The following INTS6 variants were observed in gnomAD, a reference collection of about 807,000 sequenced individuals.
INTS6 encodes the protein DEAD box protein.
Under a neutral mutation model 104.9 loss-of-function variants are expected in INTS6, and 16 were observed. That is an observed-to-expected ratio of 0.15 (90% CI 0.10 to 0.23). The LOEUF (loss-of-function observed/expected upper bound fraction) is 0.23, where lower values mean the gene tolerates loss of function less well. Ranked by LOEUF, INTS6 falls within the 10% of genes least tolerant of loss-of-function variation. The pLI, the probability that INTS6 is intolerant of heterozygous loss-of-function variation, is 1.00. For synonymous variants in INTS6, 324 were observed against 358.7 expected (o/e 0.90, Z 1.09); for missense variants, 584 against 1,062.8 (o/e 0.55, Z 6.26).
intron 12 of INTS6, 91 bp downstream of exon 12, chr13:51,378,148 A>G: frequency 1.1e-6 from 1 of 924,952 alleles, no homozygotes; most frequent in Admixed American, 1.8e-5. Context: ...TAAAGTCTGG[A>G]TAAACTGAAT....
chr13:51,422,940 T>C (rs9568592), intron 4 of INTS6: 12,945 of 586,618 alleles, frequency 0.022, 198 homozygotes, highest in South Asian at 0.042. Flanking sequence ...CCCTCAAAAC[T>C]TTACTCCTTT....
rs190806625 is a variant in INTS6, at chr13:51,435,527, G to T, written c.340-5144C>A. Reference sequence around the variant, plus strand: ...AATCTCAATAATAAGAAAATTTAAAGAATTAATGTAAACAGATATTATCTA... The same window carrying T: ...AATCTCAATAATAAGAAAATTTAAATAATTAATGTAAACAGATATTATCTA... On this transcript the variant is annotated intron_variant, in intron 3 of 17. Transcript: ENST00000311234. 2.0e-3 allele frequency among the ~76,000 whole-genome samples: 299 copies of T among 151,968 alleles called. 3 individuals are homozygous for T. The highest frequency in any genetic ancestry group is 0.017 in the Admixed American group (264 of 15,280).
At chr13:51,388,648 C>T (rs1956188333) in intron 6 of INTS6, among the ~76,000 whole-genome samples, 1 of 152,290 alleles carries the variant, frequency 6.6e-6, no homozygotes, top group Admixed American at 6.5e-5. Flanking sequence ...CCACCTTGGC[C>T]TCCCAAAGTG....
intron 15 of INTS6, among the ~76,000 whole-genome samples, chr13:51,371,598 G>A (rs1005128380): frequency 1.3e-5 from 2 of 151,914 alleles, no homozygotes; most frequent in Non-Finnish European, 2.9e-5. Flanking sequence ...AATCATGAGC[G>A]CTGCTGGAGA....
chr13:51,443,012 A>C (rs1003504022), intron 3 of INTS6: 1 of 152,250 alleles, frequency 6.6e-6, no homozygotes, highest in Non-Finnish European at 1.5e-5. Flanking sequence ...TAGCTTTCAA[A>C]CAAGAACTGA....
At chr13:51,413,824 C>CA (rs924826905) in intron 4 of INTS6, among the ~76,000 whole-genome samples, 5 of 152,014 alleles carry the variant, frequency 3.3e-5, no homozygotes, top group Admixed American at 6.6e-5. Context: ...AGGTCTGAAG[C>CA]AAAAATGTAC....
intron 4 of INTS6, among the ~76,000 whole-genome samples, chr13:51,400,424 T>C (rs1956415548): frequency 1.3e-5 from 2 of 152,204 alleles, no homozygotes; most frequent in South Asian, 2.1e-4. Context: ...TGTTTTCTTC[T>C]AAAAGCTTAT....
chr13:51,341,522 G>A, the INTS6 span, among the ~76,000 whole-genome samples: 1 of 152,216 alleles, frequency 6.6e-6, no homozygotes, highest in South Asian at 2.1e-4. Flanking sequence ...GAGATAGGGA[G>A]CTCAGCTCCC....
chr13:51,434,749 G>A (rs138124937), intron 3 of INTS6, among the ~76,000 whole-genome samples: 2 of 70,336 alleles, frequency 2.8e-5, no homozygotes, highest in East Asian at 8.9e-4. Flanking sequence ...CTTATATACT[G>A]TTTTGCACTG....
chr13:51,336,280 G>A, the INTS6 span, among the ~76,000 whole-genome samples: 2,943 of 152,256 alleles, frequency 0.019, 107 homozygotes, highest in African/African-American at 0.065. Context: ...TTGAGGCCAG[G>A]AGTTCGAGAC....
At chr13:51,342,065 C>G in the INTS6 span, among the ~76,000 whole-genome samples, 1 of 151,876 alleles carries the variant, frequency 6.6e-6, no homozygotes, top group Non-Finnish European at 1.5e-5. Context: ...CTCAGTGCCT[C>G]AGCTCAATGC....
intron 3 of INTS6, 49 bp downstream of exon 3, chr13:51,450,976 T>C: frequency 1.4e-6 from 2 of 1,450,134 alleles, no homozygotes; most frequent in East Asian, 2.4e-5. Flanking sequence ...ACTGTGTTTT[T>C]CCACAAAATG....
intron 10 of INTS6, 129 bp downstream of exon 10, chr13:51,381,900 A>C (rs1250278446): frequency 2.5e-6 from 1 of 403,798 alleles, no homozygotes; most frequent in Non-Finnish European, 4.5e-6. Flanking sequence ...ACGGGGTTTC[A>C]CCATGTTGGC....
At chr13:51,418,857 TCAA>T (rs1956843120) in intron 4 of INTS6, among the ~76,000 whole-genome samples, 1 of 152,202 alleles carries the variant, frequency 6.6e-6, no homozygotes, top group African/African-American at 2.4e-5. Flanking sequence ...TTTTATGTGT[TCAA>T]CGAGTTTTAG....
intron 7 of INTS6, among the ~76,000 whole-genome samples, chr13:51,386,618 G>C (rs569660732): frequency 6.6e-6 from 1 of 151,940 alleles, no homozygotes; most frequent in Admixed American, 6.6e-5. Context: ...AGTACAAAAG[G>C]TTTCAAAAAG....
chr13:51,444,321 T>C (rs1015514856), intron 3 of INTS6: 5 of 142,760 alleles, frequency 3.5e-5, no homozygotes, highest in Admixed American at 1.4e-4. Context: ...TCTAGGCTGG[T>C]CTCAAACTCC....
chr13:51,404,238 C>T (rs1297466262), intron 4 of INTS6, among the ~76,000 whole-genome samples: 1 of 150,750 alleles, frequency 6.6e-6, no homozygotes, highest in Non-Finnish European at 1.5e-5. Context: ...AGCACCACTG[C>T]ACTCCTGCCT....
chr13:51,340,429 A>T, the INTS6 span, among the ~76,000 whole-genome samples: 1 of 152,236 alleles, frequency 6.6e-6, no homozygotes, highest in African/African-American at 2.4e-5. Context: ...AGGTACAATT[A>T]GTTCATGTAT....
chr13:51,452,808 C>T lies in INTS6; in HGVS notation c.-283G>A. The T allele has an allele frequency of 8.5e-7, 1 of 1,180,376 alleles. No individual in the cohort carries two copies. The highest frequency in any genetic ancestry group is 1.1e-6 in the Non-Finnish European group (1 of 947,944). The allele number at this position is 1,180,376 out of a possible 1,614,324, so 73.1% of individuals were successfully genotyped here. A position where few individuals can be genotyped will look rare whatever the true frequency, so the allele number is the denominator to read the frequency against. ...CAGCCGTCTGTCTGTCGGTTCGTCC[C>T]CCCCGCCTCGGGGGTCCCGTCCCCG... On this transcript the variant is annotated 5_prime_UTR_variant, in exon 1 of 18. Transcript: ENST00000311234. The surrounding 1 kb of genome is among the most constrained non-coding windows in gnomAD (Gnocchi z 4.2).
Sources: gnomAD v4.1 joint callset for allele counts (sites outside exome capture counted in the v4.1 genomes callset) on GRCh38, gnomAD v4.1.1 for gene constraint, Gnocchi (gnomAD v3.1) non-coding constraint, MANE v1.5 for transcripts, NCBI Gene and HGNC (gene_info 2026-07-23, HGNC 2026-07-21) for gene names.